FKBP15: variants seen among roughly 807,000 people sequenced by gnomAD.
FKBP15 encodes the protein FK506-binding protein 15.
Under a neutral mutation model 158.1 loss-of-function variants are expected in FKBP15, and 106 were observed. That is an observed-to-expected ratio of 0.67 (90% confidence interval 0.57 to 0.79). FKBP15 has a LOEUF of 0.79. Ranked by LOEUF, FKBP15 falls within the 30% of genes least tolerant of loss-of-function variation. The pLI is 0.00. For synonymous variants in FKBP15, 547 were observed against 548.6 expected, an observed-to-expected ratio of 1.00 and a Z score of 0.04; for missense variants, 1,287 against 1,479.1, an observed-to-expected ratio of 0.87 and a Z score of 2.13.
chr9:113,194,118 C>G lies in FKBP15; in HGVS notation c.916G>C (p.Asp306His). The G allele has an allele frequency of 6.2e-7, 1 of 1,613,308 alleles. No homozygotes were observed. Among genetic ancestry groups the G allele is most frequent in the African/African-American group, 1.3e-5 (1 of 74,968 alleles). ...GGGATGGGAGACGGAGCTGCAGAAT[C>G]GCGGGAACTAACACTGTGACCATCA... ...GSDGHSVSSR[D>H]SAAPSPIPGA... The change falls in exon 10 of 28, where the codon GAT becomes CAT. Residue 306 changes from aspartate to histidine, a missense_variant. Asp to His is a moderately conservative substitution (Grantham distance 81). Coordinates refer to ENST00000238256, the MANE Select transcript of FKBP15 (RefSeq NM_015258.2).
intron 11 of FKBP15, among the ~76,000 whole-genome samples, chr9:113,191,399 G>C (rs1587962852): frequency 1.3e-5 from 2 of 151,884 alleles, no homozygotes; most frequent in Non-Finnish European, 2.9e-5. Flanking sequence ...AGCTATCAGT[G>C]TAAGACACTG....
At position 113,162,069 on chromosome 9, in the gene FKBP15, T is replaced by G. The variant is rs563892085; in HGVS notation, c.*4009A>C. The stretch of plus-strand genomic sequence containing the variant: ...GGGATCTGCAGCTGTCCTGAAGCAA[T>G]GTATCCCACTTGGTGGGAGGAGGAT... On this transcript the variant is annotated 3_prime_UTR_variant, in exon 28 of 28. Transcript: ENST00000238256. 5.1e-5 allele frequency: 18 copies of G among 354,818 alleles called. No homozygotes were observed. Among genetic ancestry groups the G allele is most frequent in the African/African-American group, 3.6e-4 (17 of 46,860 alleles). 22.0% of individuals were successfully genotyped at this position (354,818 alleles called of 1,614,324 possible).
chr9:113,207,029 A>G, intron 3 of FKBP15, 183 bp downstream of exon 3: 1 of 579,002 alleles, frequency 1.7e-6, no homozygotes, highest in Non-Finnish European at 3.1e-6. Flanking sequence ...AGTAGACAAG[A>G]TAATGGCTTT....
At chr9:113,171,113 C>T (rs551374615) in intron 24 of FKBP15, among the ~76,000 whole-genome samples, 3 of 152,196 alleles carry the variant, frequency 2.0e-5, no homozygotes, top group African/African-American at 7.2e-5. Context: ...TCCCACTAGG[C>T]TGTAAGCTCC....
At chr9:113,193,657 G>A in intron 10 of FKBP15, 108 bp from the exon 11 acceptor site, 1 of 906,626 alleles carries the variant, frequency 1.1e-6, no homozygotes, top group Non-Finnish European at 1.8e-6. Context: ...CCAATTTAAT[G>A]ACTGTAAAAC....
intron 20 of FKBP15, 121 bp from the exon 21 acceptor site, chr9:113,176,794 G>C: frequency 9.1e-7 from 1 of 1,102,858 alleles, no homozygotes; most frequent in Non-Finnish European, 1.3e-6. Flanking sequence ...CATCACTCAG[G>C]CTGGAGTGCA....
At chr9:113,202,913 T>C (rs1165549983) in intron 5 of FKBP15, 48 bp downstream of exon 5, 1 of 1,448,362 alleles carries the variant, frequency 6.9e-7, no homozygotes, top group East Asian at 2.3e-5. Flanking sequence ...GTCTCTCCTG[T>C]AAACCTATCC....
At chr9:113,175,793 A>C (rs1830289144) in intron 21 of FKBP15, among the ~76,000 whole-genome samples, 1 of 152,230 alleles carries the variant, frequency 6.6e-6, no homozygotes, top group South Asian at 2.1e-4. Context: ...TTTACTACTA[A>C]TAAAAATACA....
chr9:113,196,212 T>C (rs1830678443), intron 9 of FKBP15, among the ~76,000 whole-genome samples: 1 of 152,174 alleles, frequency 6.6e-6, no homozygotes, highest in South Asian at 2.1e-4. Flanking sequence ...TATTACTATG[T>C]GGCAGAGGTA....
In FKBP15 at chr9:113,165,190, A is replaced by C. The variant is rs901954756; in HGVS notation, c.*888T>G. 3 of 152,170 alleles carry C rather than the reference A, an allele frequency of 2.0e-5. No homozygotes were observed. Among genetic ancestry groups the C allele is most frequent in the Non-Finnish European group, 4.4e-5 (3 of 68,028 alleles). The allele number at this position is 152,170 out of a possible 1,614,324, so 9.4% of individuals were successfully genotyped here. A position where few individuals can be genotyped will look rare whatever the true frequency, so the allele number is the denominator to read the frequency against. Reference sequence around the variant, plus strand: ...ATGGAAGCTGCTCTCAAAGTGAAGAATCCCTCAGGTGCCATGAACAATGGA... The same window carrying C: ...ATGGAAGCTGCTCTCAAAGTGAAGACTCCCTCAGGTGCCATGAACAATGGA... On this transcript the variant is annotated 3_prime_UTR_variant, in exon 28 of 28. Transcript: ENST00000238256.
intron 4 of FKBP15, among the ~76,000 whole-genome samples, chr9:113,205,077 ACT>A (rs2118934953): frequency 6.6e-6 from 1 of 152,276 alleles, no homozygotes; most frequent in South Asian, 2.1e-4. Context: ...AAATCATAAA[ACT>A]CTTAGAAGAA....
At chr9:113,204,408 A>G (rs1399246453) in intron 4 of FKBP15, among the ~76,000 whole-genome samples, 1 of 152,248 alleles carries the variant, frequency 6.6e-6, no homozygotes, top group Non-Finnish European at 1.5e-5. Flanking sequence ...CGTTTCCCTC[A>G]ACTTAAAGAA....
intron 20 of FKBP15, among the ~76,000 whole-genome samples, 169 bp from the exon 21 acceptor site, chr9:113,176,842 G>A (rs1305518899): frequency 2.6e-5 from 4 of 152,130 alleles, no homozygotes; most frequent in Admixed American, 2.0e-4. Context: ...TCCATCTCCT[G>A]GGCTCAAGCA....
intron 6 of FKBP15, among the ~76,000 whole-genome samples, chr9:113,200,682 G>C (rs905413532): frequency 6.6e-6 from 1 of 152,106 alleles, no homozygotes; most frequent in African/African-American, 2.4e-5. Flanking sequence ...GAAAAATGTG[G>C]ATTTGAGACC....
At chr9:113,210,152 C>G (rs1003828118) in intron 2 of FKBP15, among the ~76,000 whole-genome samples, 1 of 152,138 alleles carries the variant, frequency 6.6e-6, no homozygotes, top group East Asian at 1.9e-4. Flanking sequence ...CAGTTCCCAA[C>G]AAAGCGCACG....
chr9:113,214,279 G>C (rs1209529521), intron 1 of FKBP15, among the ~76,000 whole-genome samples: 1 of 152,198 alleles, frequency 6.6e-6, no homozygotes, highest in Non-Finnish European at 1.5e-5. Context: ...ACAGGTGTGA[G>C]CCACTGTGCT....
intron 6 of FKBP15, among the ~76,000 whole-genome samples, chr9:113,202,059 CTT>C (rs1013410873): frequency 1.1e-4 from 16 of 151,958 alleles, no homozygotes; most frequent in African/African-American, 3.4e-4. Flanking sequence ...CTTTCTCTCT[CTT>C]TCTTTCTTTT....
At chr9:113,187,277 T>C (rs1830501349) in intron 14 of FKBP15, 2 of 159,248 alleles carry the variant, frequency 1.3e-5, no homozygotes, top group African/African-American at 4.8e-5. Context: ...CCAAGTGTGT[T>C]GAGGCAGAAG....
Position 113,168,455 on chromosome 9 carries a change from C to T in FKBP15, c.3582+5G>A, listed in dbSNP as rs375881209. The T allele has an allele frequency of 1.2e-6, 2 of 1,613,574 alleles. No individual in the cohort carries two copies. The highest frequency in any genetic ancestry group is 2.7e-5 in the African/African-American group (2 of 74,910). The stretch of plus-strand genomic sequence containing the variant: ...AGGACTTGACAGTGCCTGGGATTTC[C>T]TTACCACCTCGTCTTCATCCTCCTC... On this transcript the variant is annotated splice_donor_5th_base_variant and intron_variant, in intron 27 of 27. Transcript: ENST00000238256.
Sources: gnomAD v4.1 joint callset for allele counts (sites outside exome capture counted in the v4.1 genomes callset) on GRCh38, gnomAD v4.1.1 for gene constraint, MANE v1.5 for transcripts, NCBI Gene and HGNC (gene_info 2026-07-23, HGNC 2026-07-21) for gene names.